NALF1: variants seen among roughly 807,000 people sequenced by gnomAD.
NALF1 encodes family with sequence similarity 155 member A.
Under a neutral mutation model 48.4 loss-of-function variants are expected in NALF1, and 3 were observed. The observed-to-expected ratio is 0.06, with a 90% CI of 0.03 to 0.16. The LOEUF (loss-of-function observed/expected upper bound fraction) is 0.16, where lower values mean the gene tolerates loss of function less well. NALF1 is among the 10% of genes least tolerant of loss of function. The pLI is 1.00. For synonymous variants in NALF1, 262 were observed against 245.7 expected (o/e 1.07, Z -0.62); for missense variants, 526 against 571.5 (o/e 0.92, Z 0.81).
chr13:107,268,444 G>A (rs1296744484), intron 1 of NALF1, among the ~76,000 whole-genome samples: 2 of 152,106 alleles, frequency 1.3e-5, no homozygotes, highest in African/African-American at 4.8e-5. Context: ...ACACATACTC[G>A]AGGAGTACAA....
intron 1 of NALF1, among the ~76,000 whole-genome samples, chr13:107,350,064 T>G (rs987399677): frequency 2.6e-5 from 4 of 152,094 alleles, no homozygotes; most frequent in Admixed American, 6.6e-5. Flanking sequence ...GAAAATCCAA[T>G]GTAGCCACTG....
At chr13:107,372,754 A>G (rs1199775361) in intron 1 of NALF1, among the ~76,000 whole-genome samples, 2 of 152,356 alleles carry the variant, frequency 1.3e-5, no homozygotes, top group South Asian at 2.1e-4. Flanking sequence ...GTTATCAAAC[A>G]TGCTTGAAAA....
At chr13:107,528,928 T>C (rs1876531029) in intron 1 of NALF1, among the ~76,000 whole-genome samples, 1 of 152,160 alleles carries the variant, frequency 6.6e-6, no homozygotes, top group South Asian at 2.1e-4. Context: ...GACACAATTC[T>C]TTCTATCATG....
intron 1 of NALF1, among the ~76,000 whole-genome samples, chr13:107,858,623 G>A (rs1010475592): frequency 2.6e-5 from 4 of 152,190 alleles, no homozygotes; most frequent in African/African-American, 7.2e-5. Flanking sequence ...GGAGACAGAG[G>A]TAGCAGTGAA....
At chr13:107,596,163 C>T (rs1339183955) in intron 1 of NALF1, among the ~76,000 whole-genome samples, 2 of 152,068 alleles carry the variant, frequency 1.3e-5, no homozygotes, top group Non-Finnish European at 2.9e-5. Flanking sequence ...ATATTAAGGT[C>T]TCTGTCAATC....
intron 1 of NALF1, among the ~76,000 whole-genome samples, chr13:107,402,952 C>T (rs981691435): frequency 1.3e-5 from 2 of 152,084 alleles, no homozygotes; most frequent in African/African-American, 4.8e-5. Context: ...ACCTCTTCCA[C>T]ACAATCTATT....
intron 1 of NALF1, among the ~76,000 whole-genome samples, chr13:107,308,365 C>A (rs542603388): frequency 6.6e-5 from 10 of 152,024 alleles, no homozygotes; most frequent in Non-Finnish European, 1.3e-4. Context: ...CCACGCCCGG[C>A]TAATTTTTTT....
intron 1 of NALF1, among the ~76,000 whole-genome samples, chr13:107,453,681 C>CATCCA (rs1884779517): frequency 6.6e-6 from 1 of 152,232 alleles, no homozygotes; most frequent in Middle Eastern, 3.2e-3. Context: ...CAAATTTCTG[C>CATCCA]AGCCAGCTTG....
At chr13:107,236,321 G>C (rs1427028749) in intron 1 of NALF1, among the ~76,000 whole-genome samples, 1 of 152,134 alleles carries the variant, frequency 6.6e-6, no homozygotes, top group South Asian at 2.1e-4. Context: ...AAAGCAGGGA[G>C]CCTCAATCTC....
At position 107,866,354 on chromosome 13, in the gene NALF1, CTG is replaced by C. The variant is rs757208456; in HGVS notation, c.241_242del (p.Gln81AlafsTer146). The C allele has an allele frequency of 3.1e-6, 5 of 1,610,834 alleles. No individual in the cohort carries two copies. In the South Asian group the frequency reaches 3.3e-5, roughly 11 times the overall value. ...EHQQQQRQQQ[Q>X]QQQQQRQRQQ... ...GCCGCTGCCTCTGCTGCTGCTGCTG[CTG>C]CTGCTGCTGCCGCTGCTGCTGCTGG... On this transcript the variant is annotated frameshift_variant, in exon 1 of 3. Coordinates refer to ENST00000375915, the MANE Select transcript of NALF1 (RefSeq NM_001080396.3). LOFTEE classifies it high-confidence loss of function. This position sits in a 1 kb window ranked among gnomAD's most constrained non-coding sequence, Gnocchi z 4.4.
Position 107,291,902 on chromosome 13 carries a change from G to A in NALF1, c.916-81147C>T, listed in dbSNP as rs553420867. ...TGATTTAATTTTCAAGTAGAAGATAGTCATAAAACATTTAGCTTCTTACAT... is the reference window on the plus strand; with the variant it reads ...TGATTTAATTTTCAAGTAGAAGATAATCATAAAACATTTAGCTTCTTACAT... On this transcript the variant is annotated intron_variant, in intron 1 of 2. Coordinates refer to ENST00000375915, the MANE Select transcript of NALF1 (RefSeq NM_001080396.3). 9.2e-5 allele frequency among the ~76,000 whole-genome samples: 14 copies of A among 152,258 alleles called. No homozygotes were observed. In the South Asian group the frequency reaches 2.9e-3, roughly 32 times the overall value.
intron 1 of NALF1, among the ~76,000 whole-genome samples, chr13:107,394,346 G>A (rs1044541601): frequency 6.6e-6 from 1 of 152,106 alleles, no homozygotes; most frequent in African/African-American, 2.4e-5. Flanking sequence ...AAATAAATAA[G>A]GTCTGCAAAT....
At chr13:107,174,347 A>ATT (rs3072052) in intron 2 of NALF1, among the ~76,000 whole-genome samples, 1 of 83,246 alleles carries the variant, frequency 1.2e-5, no homozygotes, top group Non-Finnish European at 2.8e-5. Context: ...TTTTATTTTT[A>ATT]TTTATTTATT....
Position 107,803,649 on chromosome 13 carries a change from T to C in NALF1, c.915+62033A>G, listed in dbSNP as rs547307791. ...AACTCTTTGAGCTAAAAAGTTCCCT[T>C]AGAAAAGTTACCCCAGAAGTATGGG... On this transcript the variant is annotated intron_variant, in intron 1 of 2. Coordinates refer to ENST00000375915, the MANE Select transcript of NALF1 (RefSeq NM_001080396.3). Among the ~76,000 whole-genome samples, 153 of 152,284 alleles carry C rather than the reference T, an allele frequency of 1.0e-3. No homozygotes were observed. In the Middle Eastern group the frequency reaches 0.01, roughly 10 times the overall value.
chr13:107,700,815 T>C (rs1477085815), intron 1 of NALF1, among the ~76,000 whole-genome samples: 1 of 151,962 alleles, frequency 6.6e-6, no homozygotes, highest in Non-Finnish European at 1.5e-5. Context: ...AAAACCGATT[T>C]AAACATGGGC....
intron 1 of NALF1, among the ~76,000 whole-genome samples, chr13:107,342,243 G>C (rs1341652719): frequency 1.3e-5 from 2 of 152,120 alleles, no homozygotes; most frequent in Non-Finnish European, 2.9e-5. Context: ...AAGAGCTAAT[G>C]GAGACAATTC....
intron 1 of NALF1, among the ~76,000 whole-genome samples, chr13:107,438,751 G>A: frequency 6.9e-6 from 1 of 145,380 alleles, no homozygotes; most frequent in South Asian, 2.2e-4. Flanking sequence ...TGTGAACCCA[G>A]GAGGCGGAGT....
intron 1 of NALF1, among the ~76,000 whole-genome samples, chr13:107,751,392 A>G (rs578252798): frequency 5.4e-4 from 82 of 152,236 alleles, no homozygotes; most frequent in Non-Finnish European, 1.1e-3. Context: ...TCATTCAGGT[A>G]AAATAGTTAT....
intron 1 of NALF1, among the ~76,000 whole-genome samples, chr13:107,364,274 T>C (rs1309437914): frequency 1.3e-5 from 2 of 152,216 alleles, no homozygotes; most frequent in East Asian, 1.9e-4. Flanking sequence ...GCATTTGTTA[T>C]TGATCTTGAA....
Sources: gnomAD v4.1 joint callset for allele counts (sites outside exome capture counted in the v4.1 genomes callset) on GRCh38, gnomAD v4.1.1 for gene constraint, Gnocchi (gnomAD v3.1) non-coding constraint, MANE v1.5 for transcripts, NCBI Gene and HGNC (gene_info 2026-07-23, HGNC 2026-07-21) for gene names.